The following CACHD1 variants were observed in gnomAD, a reference collection of about 807,000 sequenced individuals.
CACHD1 encodes the protein cache domain containing 1, also known as VWFA and cache domain-containing protein 1.
In CACHD1, 71 loss-of-function variants were observed where a neutral mutation model predicts 138.7. The observed-to-expected ratio is 0.51, with a 90% CI of 0.42 to 0.62. CACHD1 has a LOEUF of 0.62. Ranked by LOEUF, CACHD1 falls within the 20% of genes least tolerant of loss-of-function variation. The pLI is 0.00. For missense variants in CACHD1, 1,389 were observed against 1,625.3 expected (o/e 0.85, Z 2.50); for synonymous variants, 578 against 591.5 (o/e 0.98, Z 0.33).
At chr1:64,579,048 G>T (rs989450532) in intron 2 of CACHD1, among the ~76,000 whole-genome samples, 1 of 152,106 alleles carries the variant, frequency 6.6e-6, no homozygotes, top group African/African-American at 2.4e-5. Context: ...AATTAGGGCC[G>T]CTGGCTTCTA....
Position 64,640,692 on chromosome 1 carries a change from G to GACAC in CACHD1, c.1007-1091_1007-1088dup, listed in dbSNP as rs35423621. Among the ~76,000 whole-genome samples, 100 of 143,740 alleles carry GACAC rather than the reference G, an allele frequency of 7.0e-4. 1 individual carries two copies. Among genetic ancestry groups the GACAC allele is most frequent in the African/African-American group, 2.1e-3 (81 of 37,916 alleles). 94.3% of individuals were successfully genotyped at this position (143,740 alleles called of 152,430 possible). On this transcript the variant is annotated intron_variant, in intron 7 of 26. Coordinates refer to ENST00000651257, the MANE Select transcript of CACHD1 (RefSeq NM_020925.4). Reference sequence around the variant, plus strand: ...CAGTCTTAAAATATATATATATACAGACACACACACACACACACACACACA... The same window carrying GACAC: ...CAGTCTTAAAATATATATATATACAGACACACACACACACACACACACACACACA...
chr1:64,663,936 A>C (rs572007628), intron 14 of CACHD1, 99 bp downstream of exon 14: 4 of 1,473,970 alleles, frequency 2.7e-6, no homozygotes, highest in Admixed American at 3.6e-5. Context: ...CCAGCTCTGC[A>C]TCTGTGCCTC....
intron 1 of CACHD1, among the ~76,000 whole-genome samples, chr1:64,498,593 T>C (rs1646320025): frequency 6.6e-6 from 1 of 152,212 alleles, no homozygotes; most frequent in East Asian, 1.9e-4. Context: ...TTTGATCCAG[T>C]GGCACTTCTA....
At chr1:64,665,324 G>A (rs1265437752) in intron 15 of CACHD1, among the ~76,000 whole-genome samples, 2 of 152,024 alleles carry the variant, frequency 1.3e-5, no homozygotes, top group Non-Finnish European at 2.9e-5. Flanking sequence ...GTTGGGTGTG[G>A]TGGTACACAC....
chr1:64,629,957 T>C (rs1338978223), intron 5 of CACHD1, among the ~76,000 whole-genome samples: 2 of 152,168 alleles, frequency 1.3e-5, no homozygotes, highest in South Asian at 4.1e-4. Context: ...GCAGAAAGCA[T>C]TGGATTAAAA....
rs200905407 is a variant in CACHD1, at chr1:64,613,046, C to T, written c.517+10134C>T. On this transcript the variant is annotated intron_variant, in intron 4 of 26. Coordinates refer to ENST00000651257, the MANE Select transcript of CACHD1 (RefSeq NM_020925.4). ...AATAGGAGTTTGGAAGAAGTTGATT[C>T]TAACCTTCATGGATGACTTTGAGGG... 3.9e-5 allele frequency among the ~76,000 whole-genome samples: 6 copies of T among 152,226 alleles called. No homozygotes were observed. In the East Asian group the frequency reaches 1.2e-3, roughly 29 times the overall value.
chr1:64,664,727 G>A lies in CACHD1; in HGVS notation c.2276+48G>A, dbSNP rs747069915. On this transcript the variant is annotated intron_variant, in intron 15 of 26. Coordinates refer to ENST00000651257, the MANE Select transcript of CACHD1 (RefSeq NM_020925.4). ...ATCAAAGGTTCTCCCCCAAATCCTG[G>A]AGAGACATGGTAAGTACATACAATA... 9.6e-6 allele frequency: 15 copies of A among 1,565,598 alleles called. No homozygotes were observed. The South Asian group carries it at 1.7e-4, about 18-fold the overall frequency.
At chr1:64,586,976 C>T (rs566385804) in intron 3 of CACHD1, among the ~76,000 whole-genome samples, 2 of 152,226 alleles carry the variant, frequency 1.3e-5, no homozygotes, top group South Asian at 4.1e-4. Flanking sequence ...CTGTATCTTG[C>T]CATATGTATA....
chr1:64,568,502 A>G (rs898560468), intron 2 of CACHD1, among the ~76,000 whole-genome samples: 1 of 152,214 alleles, frequency 6.6e-6, no homozygotes, highest in African/African-American at 2.4e-5. Context: ...AGATGGGCAC[A>G]GAGAGAGGAA....
chr1:64,650,649 A>C (rs10493362), intron 9 of CACHD1, among the ~76,000 whole-genome samples: 1 of 151,992 alleles, frequency 6.6e-6, no homozygotes, highest in Admixed American at 6.5e-5. Flanking sequence ...ATAGCAACTC[A>C]ATAATACCTC....
intron 2 of CACHD1, among the ~76,000 whole-genome samples, chr1:64,565,334 G>A (rs1386557113): frequency 6.6e-6 from 1 of 152,018 alleles, no homozygotes; most frequent in Non-Finnish European, 1.5e-5. Context: ...TGAATGAATG[G>A]AAGGCACTAA....
chr1:64,606,121 A>ACACACACACG (rs1052039411), intron 4 of CACHD1, among the ~76,000 whole-genome samples: 1 of 151,916 alleles, frequency 6.6e-6, no homozygotes, highest in South Asian at 2.1e-4. Context: ...ACACACACAC[A>ACACACACACG]CACACACACG....
chr1:64,519,561 C>G (rs1646482719), intron 1 of CACHD1, among the ~76,000 whole-genome samples: 1 of 151,408 alleles, frequency 6.6e-6, no homozygotes, highest in African/African-American at 2.4e-5. Context: ...TTCCTTCCAG[C>G]AAAAAAAATA....
chr1:64,471,623 A>G (rs964356163), intron 1 of CACHD1, among the ~76,000 whole-genome samples: 6 of 149,942 alleles, frequency 4.0e-5, no homozygotes, highest in African/African-American at 1.5e-4. Context: ...CTGCTGGGGG[A>G]CTCTTTTTGT....
chr1:64,690,365 G>A (rs1158585821), intron 26 of CACHD1, among the ~76,000 whole-genome samples: 1 of 152,108 alleles, frequency 6.6e-6, no homozygotes, highest in East Asian at 1.9e-4. Context: ...ATTACCCACG[G>A]GTAAGTGCTG....
At chr1:64,559,478 A>G (rs763916600) in intron 2 of CACHD1, among the ~76,000 whole-genome samples, 2 of 152,190 alleles carry the variant, frequency 1.3e-5, no homozygotes, top group Non-Finnish European at 2.9e-5. Flanking sequence ...AGGAAACAAC[A>G]GACACTGGGG....
intron 8 of CACHD1, among the ~76,000 whole-genome samples, chr1:64,645,967 C>T (rs1450632027): frequency 6.6e-6 from 1 of 152,122 alleles, no homozygotes; most frequent in African/African-American, 2.4e-5. Context: ...TCTAGCATGA[C>T]CATGTTGATA....
intron 10 of CACHD1, among the ~76,000 whole-genome samples, chr1:64,653,386 T>TAAAAAAAAA (rs60661882): frequency 9.2e-6 from 1 of 108,476 alleles, no homozygotes; most frequent in Non-Finnish European, 2.1e-5. Flanking sequence ...TAAAAGAAGT[T>TAAAAAAAAA]AAAAAAAAAA....
At chr1:64,546,716 C>T (rs1049149852) in intron 1 of CACHD1, among the ~76,000 whole-genome samples, 6 of 151,932 alleles carry the variant, frequency 3.9e-5, no homozygotes, top group Admixed American at 6.6e-5. Flanking sequence ...AAATCTTTAC[C>T]CTGAAGTCAC....
Sources: gnomAD v4.1 joint callset for allele counts (sites outside exome capture counted in the v4.1 genomes callset) on GRCh38, gnomAD v4.1.1 for gene constraint, MANE v1.5 for transcripts, NCBI Gene and HGNC (gene_info 2026-07-23, HGNC 2026-07-21) for gene names.